The following ATAD2 variants were observed in gnomAD, a reference collection of about 807,000 sequenced individuals.
The protein encoded by ATAD2 is ATPase family AAA domain-containing protein 2.
In ATAD2, 62 loss-of-function variants were observed where a neutral mutation model predicts 168.9. That is an observed-to-expected ratio of 0.37 (90% CI 0.30 to 0.45). The LOEUF (loss-of-function observed/expected upper bound fraction) is 0.45, where lower values mean the gene tolerates loss of function less well. Ranked by LOEUF, ATAD2 falls within the 20% of genes least tolerant of loss-of-function variation. The pLI, the probability that ATAD2 is intolerant of heterozygous loss-of-function variation, is 1.00. For missense variants in ATAD2, 1,419 were observed against 1,667.8 expected (o/e 0.85, Z 2.60); for synonymous variants, 613 against 571.6 (o/e 1.07, Z -1.03).
Position 123,337,811 on chromosome 8 carries a change from A to G in ATAD2, c.2865T>C (p.Ala955=), listed in dbSNP as rs543157451. 6.3e-7 allele frequency: 1 copy of G among 1,596,650 alleles called. No homozygotes were observed. The highest frequency in any genetic ancestry group is 1.3e-5 in the African/African-American group (1 of 74,094). Residue 955 remains alanine (A), a synonymous_variant, in exon 21 of 28, where the codon GCT becomes GCC. Transcript: ENST00000287394. The part of the protein sequence containing the change: ...PISKKKAVLQ[A]LEVLPVAPPP... ...GTGGTGCTACTGGGAGTACCTCCAA[A>G]GCCTGCAAAACTTCACATGAATGGA...
At position 123,347,266 on chromosome 8, in the gene ATAD2, C is replaced by T. The variant is rs1344526196; in HGVS notation, c.2038G>A (p.Glu680Lys). 2.5e-6 allele frequency: 4 copies of T among 1,613,928 alleles called. No individual in the cohort carries two copies. The highest frequency in any genetic ancestry group is 2.2e-5 in the South Asian group (2 of 91,092). Reference sequence around the variant, plus strand: ...GGTATCATCTTTTGCATAGCTACCTCGAAATCCTTAGCTGAGATATTAATT... The same window carrying T: ...GGTATCATCTTTTGCATAGCTACCTTGAAATCCTTAGCTGAGATATTAATT... The part of the protein sequence containing the change: ...SSINISAKDF[E>K]VAMQKMIPAS... The change falls in exon 16 of 28, where the codon GAG (glutamate) becomes AAG (lysine). Residue 680 changes from glutamate to lysine, a missense_variant. Glu to Lys is a moderately conservative substitution (Grantham distance 56). This residue lies in a region of ATAD2 where 545 missense variants were observed against 724.9 expected (regional missense o/e 0.75). Transcript: ENST00000287394.
At chr8:123,389,509 G>A (rs558996331) in intron 1 of ATAD2, among the ~76,000 whole-genome samples, 96 of 151,304 alleles carry the variant, frequency 6.3e-4, no homozygotes, top group African/African-American at 1.6e-3. Flanking sequence ...GCGTGGTGGC[G>A]GGCGCCTGTA....
chr8:123,338,888 GT>G (rs1827990370), intron 20 of ATAD2, among the ~76,000 whole-genome samples: 1 of 152,102 alleles, frequency 6.6e-6, no homozygotes, highest in Non-Finnish European at 1.5e-5. Flanking sequence ...CACAGACCCT[GT>G]CTCAAAAAAT....
chr8:123,366,734 G>A (rs1828991023), intron 8 of ATAD2, among the ~76,000 whole-genome samples: 1 of 152,168 alleles, frequency 6.6e-6, no homozygotes, highest in South Asian at 2.1e-4. Flanking sequence ...GAACTCAGGG[G>A]GAAAGAGTGG....
intron 13 of ATAD2, among the ~76,000 whole-genome samples, chr8:123,353,670 T>C (rs1563846327): frequency 6.6e-6 from 1 of 152,144 alleles, no homozygotes; most frequent in Non-Finnish European, 1.5e-5. Context: ...AGTCCTAATA[T>C]TTAGAGACCA....
intron 1 of ATAD2, 142 bp downstream of exon 1, chr8:123,396,045 T>G: frequency 9.9e-7 from 1 of 1,009,404 alleles, no homozygotes; most frequent in Non-Finnish European, 1.4e-6. Context: ...AGAGCTTCCA[T>G]TTTACTCGTC....
chr8:123,337,830 G>C lies in ATAD2; in HGVS notation c.2855-9C>G. On this transcript the variant is annotated splice_polypyrimidine_tract_variant and intron_variant, in intron 20 of 27. Coordinates refer to ENST00000287394, the MANE Select transcript of ATAD2 (RefSeq NM_014109.4). ...CTCCAAAGCCTGCAAAACTTCACATGAATGGAAGAATTTAGTTACTGCTCC... is the reference window on the plus strand; with the variant it reads ...CTCCAAAGCCTGCAAAACTTCACATCAATGGAAGAATTTAGTTACTGCTCC... 6.3e-7 allele frequency: 1 copy of C among 1,575,504 alleles called. No homozygotes were observed. The highest frequency in any genetic ancestry group is 8.6e-7 in the Non-Finnish European group (1 of 1,165,328).
rs6982101 is a variant in ATAD2, at chr8:123,407,398, A to G, written c.-2281-6223T>C. 3.5e-3 allele frequency among the ~76,000 whole-genome samples: 538 copies of G among 152,300 alleles called. 2 individuals carry two copies. The highest frequency in any genetic ancestry group is 0.013 in the African/African-American group (522 of 41,566). ...TTTTCTAATCTTAACTATTCTAGTTAGGAGTGACTTGATTTAGGAAAAAAA... is the reference window on the plus strand; with the variant it reads ...TTTTCTAATCTTAACTATTCTAGTTGGGAGTGACTTGATTTAGGAAAAAAA... On this transcript the variant is annotated intron_variant, in intron 1 of 28. Transcript: ENST00000521903.
intron 1 of ATAD2, among the ~76,000 whole-genome samples, chr8:123,392,658 A>G (rs1812634136): frequency 6.6e-6 from 1 of 152,140 alleles, no homozygotes; most frequent in Non-Finnish European, 1.5e-5. Context: ...TCATGCAGAT[A>G]TCAAGGGGAA....
Position 123,372,699 on chromosome 8 carries a change from A to T in ATAD2, c.321-13T>A. 1 of 1,556,686 alleles carries T rather than the reference A, an allele frequency of 6.4e-7. No individual in the cohort carries two copies. The highest frequency in any genetic ancestry group is 8.7e-7 in the Non-Finnish European group (1 of 1,151,128). ...TCTGGCCAACTGCCTATATTTTAAA[A>T]AATTAGATTAATTCAAAATAATTGA... On this transcript the variant is annotated splice_polypyrimidine_tract_variant and intron_variant, in intron 2 of 27. Transcript: ENST00000287394.
At chr8:123,340,768 C>T (rs1563838738) in intron 19 of ATAD2, among the ~76,000 whole-genome samples, 1 of 152,084 alleles carries the variant, frequency 6.6e-6, no homozygotes, top group Non-Finnish European at 1.5e-5. Flanking sequence ...CAAATTATAA[C>T]AGAAGTTACC....
At chr8:123,337,954 A>ACTTTTGTATTT in intron 20 of ATAD2, 133 bp from the exon 21 acceptor site, 1 of 848,252 alleles carries the variant, frequency 1.2e-6, no homozygotes, top group Non-Finnish European at 1.7e-6. Flanking sequence ...GATTTGAAAT[A>ACTTTTGTATTT]CAAAAGTATT....
chr8:123,326,897 G>A (rs557571736), intron 25 of ATAD2, among the ~76,000 whole-genome samples: 2 of 152,122 alleles, frequency 1.3e-5, no homozygotes, highest in South Asian at 4.2e-4. Context: ...CAGGAGAGGT[G>A]AAGAGACTTT....
chr8:123,357,943 T>C (rs779793472), intron 11 of ATAD2, among the ~76,000 whole-genome samples: 45 of 152,172 alleles, frequency 3.0e-4, no homozygotes, highest in Admixed American at 2.4e-3. Context: ...AAACTGTAAA[T>C]AAAACTCTAT....
chr8:123,325,888 C>T lies in ATAD2; in HGVS notation c.4002+5G>A, dbSNP rs1827601565. The T allele has an allele frequency of 6.2e-7, 1 of 1,613,324 alleles. No individual in the cohort carries two copies. Among genetic ancestry groups the T allele is most frequent in the African/African-American group, 1.3e-5 (1 of 74,884 alleles). On this transcript the variant is annotated splice_donor_5th_base_variant and intron_variant, in intron 26 of 27. Transcript: ENST00000287394. The stretch of plus-strand genomic sequence containing the variant: ...GTAAAAGCATTATGATTTCAATTTA[C>T]ATACTTTTAATCGCTCATGATCCAC...
upstream of ATAD2, among the ~76,000 whole-genome samples, chr8:123,397,020 A>G (rs1424896012): frequency 6.6e-6 from 1 of 152,114 alleles, no homozygotes; most frequent in African/African-American, 2.4e-5. Context: ...AAAGCGAGCC[A>G]GCAGAGTGCC....
intron 26 of ATAD2, among the ~76,000 whole-genome samples, chr8:123,323,381 G>C (rs1020696802): frequency 1.3e-5 from 2 of 152,084 alleles, no homozygotes; most frequent in Admixed American, 1.3e-4. Context: ...GAAAAGCAAA[G>C]TTTTTTTGCA....
chr8:123,343,301 T>C (rs1355536141), intron 19 of ATAD2, among the ~76,000 whole-genome samples: 1 of 152,100 alleles, frequency 6.6e-6, no homozygotes, highest in Non-Finnish European at 1.5e-5. Flanking sequence ...ACTGAGGCCT[T>C]ACCTAGCCTA....
chr8:123,347,330 G>A lies in ATAD2; in HGVS notation c.1974C>T (p.Ile658=), dbSNP rs1388899327. ...ACTGCAGTTTCTCACTAGTGGTATAGATCTGTGGGTAGCGTCGTCGTAAAG... is the reference window on the plus strand; with the variant it reads ...ACTGCAGTTTCTCACTAGTGGTATAAATCTGTGGGTAGCGTCGTCGTAAAG... The part of the protein sequence containing the change: ...LCALRRRYPQ[I]YTTSEKLQLD... Residue 658 remains isoleucine (I), a synonymous_variant, in exon 16 of 28, where the codon ATC becomes ATT. Coordinates refer to ENST00000287394, the MANE Select transcript of ATAD2 (RefSeq NM_014109.4). The A allele has an allele frequency of 6.2e-7, 1 of 1,613,800 alleles. No homozygotes were observed. Among genetic ancestry groups the A allele is most frequent in the Non-Finnish European group, 8.5e-7 (1 of 1,179,976 alleles).
Sources: gnomAD v4.1 joint callset for allele counts (sites outside exome capture counted in the v4.1 genomes callset) on GRCh38, gnomAD v4.1.1 for gene constraint, gnomAD v4.1.1 regional missense constraint, MANE v1.5 for transcripts, NCBI Gene and HGNC (gene_info 2026-07-23, HGNC 2026-07-21) for gene names.